Variants in TBPL2 observed in about 807,000 individuals in gnomAD.
The protein encoded by TBPL2 is TATA box-binding protein-like 2.
Under a neutral mutation model 38.2 loss-of-function variants are expected in TBPL2, and 40 were observed. The observed-to-expected ratio is 1.05, with a 90% CI of 0.81 to 1.36. The LOEUF (loss-of-function observed/expected upper bound fraction) is 1.36, where lower values mean the gene tolerates loss of function less well. Ranked by LOEUF, TBPL2 falls within the 40% of genes most tolerant of loss-of-function variation. The pLI, the probability that TBPL2 is intolerant of heterozygous loss-of-function variation, is 0.00. For missense variants in TBPL2, 461 were observed against 456.7 expected (o/e 1.01, Z -0.09); for synonymous variants, 169 against 171.7 (o/e 0.98, Z 0.12).
chr14:55,440,489 G>C (rs370270149), exon 1 of TBPL2: 13 of 1,612,548 alleles, frequency 8.1e-6, no homozygotes, highest in South Asian at 4.4e-5. Flanking sequence ...GCGGGTAAGA[G>C]GGTAAGCGCG....
chr14:55,429,276 G>C (rs753274768), intron 4 of TBPL2, among the ~76,000 whole-genome samples: 3 of 152,140 alleles, frequency 2.0e-5, no homozygotes, highest in Non-Finnish European at 4.4e-5. Flanking sequence ...CCAAGGATTC[G>C]CAAAGTGTGT....
chr14:55,431,279 C>T (rs1885920900), intron 4 of TBPL2, among the ~76,000 whole-genome samples: 1 of 152,156 alleles, frequency 6.6e-6, no homozygotes. Flanking sequence ...AACTCATTAT[C>T]CAAACTTTCA....
intron 5 of TBPL2, among the ~76,000 whole-genome samples, chr14:55,427,198 T>A (rs1885839408): frequency 6.6e-6 from 1 of 152,152 alleles, no homozygotes; most frequent in Non-Finnish European, 1.5e-5. Context: ...AGAGGCAACA[T>A]GTCTTACATG....
chr14:55,433,294 A>G (rs988744002), intron 4 of TBPL2, among the ~76,000 whole-genome samples: 5 of 141,910 alleles, frequency 3.5e-5, no homozygotes, highest in Non-Finnish European at 7.5e-5. Flanking sequence ...ACATCCAGCT[A>G]CTTTTTAGAT....
rs759652328 is a variant in TBPL2 at position 55,440,423 on chromosome 14, C to T, written c.123G>A (p.Glu41=). The change falls in exon 1 of 7, where the codon GAG becomes GAA. Residue 41 remains glutamate (E), a synonymous_variant. Coordinates refer to ENST00000247219, the Ensembl canonical transcript of TBPL2. ...GAGCGGCGCACTGGTCCAGGTAGAG[C>T]TCCAGGTAGGTCTCCTCCTGCTCCA... The T allele has an allele frequency of 2.5e-6, 4 of 1,613,080 alleles. No homozygotes were observed. The South Asian group carries it at 3.3e-5, about 13-fold the overall frequency.
chr14:55,420,776 G>A (rs1372772739), intron 6 of TBPL2, among the ~76,000 whole-genome samples: 2 of 152,010 alleles, frequency 1.3e-5, no homozygotes, highest in Non-Finnish European at 2.9e-5. Context: ...AAGAAATTTG[G>A]GGGTTGGGTG....
intron 5 of TBPL2, among the ~76,000 whole-genome samples, chr14:55,424,543 G>A (rs1885791878): frequency 6.6e-6 from 1 of 152,174 alleles, no homozygotes; most frequent in African/African-American, 2.4e-5. Flanking sequence ...TTGAGAGCTT[G>A]TTGGTTAAAC....
intron 4 of TBPL2, among the ~76,000 whole-genome samples, chr14:55,431,571 T>C (rs1485839987): frequency 6.6e-6 from 1 of 152,234 alleles, no homozygotes; most frequent in African/African-American, 2.4e-5. Context: ...TACAGACATC[T>C]TGCACAACTG....
chr14:55,440,271 G>T, intron 1 of TBPL2, 125 bp downstream of exon 1: 2 of 1,212,612 alleles, frequency 1.6e-6, no homozygotes, highest in Non-Finnish European at 2.3e-6. Flanking sequence ...TCAACTTAAT[G>T]ACTTGGGAAA....
At chr14:55,417,346 C>A (rs17128464) in intron 6 of TBPL2, among the ~76,000 whole-genome samples, 10,897 of 146,988 alleles carry the variant, frequency 0.074, 1,101 homozygotes, top group African/African-American at 0.23. Flanking sequence ...ATATTGCCAT[C>A]AAAAGTTTAA....
At chr14:55,429,153 T>A (rs1430852466) in intron 4 of TBPL2, among the ~76,000 whole-genome samples, 179 bp from the exon 5 acceptor site, 1 of 152,222 alleles carries the variant, frequency 6.6e-6, no homozygotes, top group African/African-American at 2.4e-5. Context: ...TTATAAAAGG[T>A]CTTGTAAAAT....
rs1479213756 is a variant in TBPL2 at position 55,439,279 on chromosome 14, A to T, written c.150+1117T>A. 2.1e-4 allele frequency among the ~76,000 whole-genome samples: 4 copies of T among 18,762 alleles called. No individual in the cohort carries two copies. In the East Asian group the frequency reaches 0.018, roughly 85 times the overall value. The allele number at this position is 18,762 out of a possible 152,430, so 12.3% of individuals were successfully genotyped here. A position where few individuals can be genotyped will look rare whatever the true frequency, so the allele number is the denominator to read the frequency against. ...TTAAGTCTTAAGAGTAATTAACTTT[A>T]AAAAAAAAAAAAAAAGCCACAGGTG... On this transcript the variant is annotated intron_variant, in intron 1 of 6. Coordinates refer to ENST00000247219, the Ensembl canonical transcript of TBPL2.
At chr14:55,424,085 G>A (rs971886664) in intron 6 of TBPL2, 74 bp downstream of exon 6, 1 of 1,011,252 alleles carries the variant, frequency 9.9e-7, no homozygotes, top group South Asian at 1.5e-5. Flanking sequence ...GTGAACAAAG[G>A]TATTTAAAAG....
exon 7 of TBPL2, chr14:55,414,444 G>T (rs554024000): frequency 1.4e-5 from 23 of 1,604,372 alleles, no homozygotes; most frequent in Non-Finnish European, 1.8e-5. Flanking sequence ...ATCTCAGAAC[G>T]TTCTTTGGCA....
chr14:55,421,075 A>G (rs1158048357), intron 6 of TBPL2, among the ~76,000 whole-genome samples: 1 of 151,458 alleles, frequency 6.6e-6, no homozygotes, highest in Non-Finnish European at 1.5e-5. Flanking sequence ...AAAAAAAAAA[A>G]AAAGAAAAAA....
At chr14:55,427,934 A>C (rs531506583) in intron 5 of TBPL2, among the ~76,000 whole-genome samples, 55 of 131,776 alleles carry the variant, frequency 4.2e-4, no homozygotes, top group African/African-American at 1.4e-3. Flanking sequence ...GCTGGAGTGC[A>C]GTGGCGCGAT....
At chr14:55,439,287 A>G (rs1373102708) in intron 1 of TBPL2, among the ~76,000 whole-genome samples, 8 of 151,202 alleles carry the variant, frequency 5.3e-5, no homozygotes, top group Non-Finnish European at 7.4e-5. Context: ...TTAAAAAAAA[A>G]AAAAAAAGCC....
intron 6 of TBPL2, among the ~76,000 whole-genome samples, chr14:55,422,193 T>C (rs1885755068): frequency 1.3e-5 from 2 of 152,308 alleles, no homozygotes; most frequent in Admixed American, 1.3e-4. Flanking sequence ...GTTAAGTTGG[T>C]TGGCTAGCTA....
At chr14:55,424,358 T>A (rs1885788985) in intron 5 of TBPL2, 105 bp from the exon 6 acceptor site, 2 of 665,992 alleles carry the variant, frequency 3.0e-6, no homozygotes, top group Non-Finnish European at 5.1e-6. Context: ...CAGTTGTAAA[T>A]AAGTTAGCTA....
Sources: allele counts gnomAD v4.1 joint callset (sites outside exome capture counted in the v4.1 genomes callset), GRCh38; gene constraint gnomAD v4.1.1; transcripts MANE v1.5; gene names NCBI Gene and HGNC (gene_info 2026-07-23, HGNC 2026-07-21).